Variants in BABAM2 observed in about 807,000 individuals in gnomAD.
The protein encoded by BABAM2 is BRISC and BRCA1-A complex member 2.
Under a neutral mutation model 54.7 loss-of-function variants are expected in BABAM2, and 31 were observed. The observed-to-expected ratio is 0.57, with a 90% CI of 0.43 to 0.77. The LOEUF is 0.77. Ranked by LOEUF, BABAM2 falls within the 30% of genes least tolerant of loss-of-function variation. The probability of loss-of-function intolerance (pLI) is 0.00; values close to 1 mark genes in which losing one functional copy is unlikely to be tolerated. For synonymous variants in BABAM2, 167 were observed against 162.9 expected (o/e 1.03, Z -0.19); for missense variants, 364 against 455.8 (o/e 0.80, Z 1.83).
rs150563481 is a variant in BABAM2, at chr2:28,080,669, A to G, written c.570+34870A>G. 2.2e-4 allele frequency among the ~76,000 whole-genome samples: 33 copies of G among 152,348 alleles called. No homozygotes were observed. The East Asian group carries it at 6.4e-3, about 29-fold the overall frequency. ...ACTACATTGTTAAGAGCATGGTTCAAATATTTGAAAGAGAAAAGAAAACTG... is the reference window on the plus strand; with the variant it reads ...ACTACATTGTTAAGAGCATGGTTCAGATATTTGAAAGAGAAAAGAAAACTG... On this transcript the variant is annotated intron_variant, in intron 6 of 11. Transcript: ENST00000379624.
At chr2:28,107,029 G>A (rs184657293) in intron 6 of BABAM2, among the ~76,000 whole-genome samples, 14 of 151,974 alleles carry the variant, frequency 9.2e-5, no homozygotes, top group Non-Finnish European at 1.5e-4. Context: ...GATAAATCTA[G>A]TTCACATTAT....
At chr2:28,172,499 T>C (rs1391402151) in intron 7 of BABAM2, among the ~76,000 whole-genome samples, 1 of 152,178 alleles carries the variant, frequency 6.6e-6, no homozygotes, top group South Asian at 2.1e-4. Context: ...AGTGACTGGG[T>C]CAGAAGTCCA....
rs569425044 is a variant in BABAM2 at position 28,123,957 on chromosome 2, T to C, written c.571-5314T>C. ...GCTCTTTATTGAAATAGTAGTGAAA[T>C]TGAAAGTTTAAAAGTCAGAAAGGGA... On this transcript the variant is annotated intron_variant, in intron 6 of 11. Coordinates refer to ENST00000379624, the MANE Select transcript of BABAM2 (RefSeq NM_199191.3). Among the ~76,000 whole-genome samples, 483 of 152,288 alleles carry C rather than the reference T, an allele frequency of 3.2e-3. 3 individuals carry two copies. Among genetic ancestry groups the C allele is most frequent in the African/African-American group, 0.011 (460 of 41,558 alleles).
Position 28,237,069 on chromosome 2 carries a change from A to T in BABAM2, c.681-133A>T, listed in dbSNP as rs142582717. The T allele has an allele frequency of 3.9e-4, 266 of 687,112 alleles. 3 individuals are homozygous for T. In the East Asian group the frequency reaches 6.1e-3, roughly 16 times the overall value. The allele number at this position is 687,112 out of a possible 1,614,324, so 42.6% of individuals were successfully genotyped here. On this transcript the variant is annotated intron_variant, in intron 7 of 11. Transcript: ENST00000379624. ...GAAATGTAATCATAAAGTGAAGCCC[A>T]TATACCCATCATCATTAACCTAGGC...
At position 28,183,396 on chromosome 2, in the gene BABAM2, G is replaced by A. The variant is rs535237619; in HGVS notation, c.681-53806G>A. On this transcript the variant is annotated intron_variant, in intron 7 of 11. Coordinates refer to ENST00000379624, the MANE Select transcript of BABAM2 (RefSeq NM_199191.3). ...GCAGAGGTTGCAGTGAGCTGAGATC[G>A]TGCCATTGCACTCCAGCCTAGGCAA... is the stretch of plus-strand genomic sequence containing the variant. Among the ~76,000 whole-genome samples the A allele has an allele frequency of 6.6e-5, 10 of 152,186 alleles. No individual in the cohort carries two copies. In the South Asian group the frequency reaches 8.3e-4, roughly 13 times the overall value.
intron 4 of BABAM2, chr2:28,013,224 A>G: frequency 2.7e-6 from 1 of 375,388 alleles, no homozygotes; most frequent in Non-Finnish European, 5.3e-6. Context: ...TAGACATGTG[A>G]AGTATGCCAC....
At chr2:28,009,696 CG>C (rs1318827235) in intron 4 of BABAM2, among the ~76,000 whole-genome samples, 1 of 152,038 alleles carries the variant, frequency 6.6e-6, no homozygotes, top group Non-Finnish European at 1.5e-5. Context: ...GGGCTAGAGA[CG>C]GATGGCAGTA....
intron 11 of BABAM2, chr2:28,327,176 C>G (rs1379928091): frequency 7.8e-7 from 1 of 1,287,864 alleles, no homozygotes; most frequent in South Asian, 1.5e-5. Flanking sequence ...GTCCCATGGC[C>G]GGTGGAGGCT....
At chr2:28,133,245 TG>T (rs1670243630) in intron 7 of BABAM2, among the ~76,000 whole-genome samples, 1 of 152,228 alleles carries the variant, frequency 6.6e-6, no homozygotes, top group Non-Finnish European at 1.5e-5. Flanking sequence ...GCTGTAGTCA[TG>T]GGATAGGTTT....
At chr2:27,969,115 A>G (rs140914345) in intron 3 of BABAM2, among the ~76,000 whole-genome samples, 82 of 152,208 alleles carry the variant, frequency 5.4e-4, no homozygotes, top group Admixed American at 8.5e-4. Flanking sequence ...TGATGGTTCT[A>G]TAAGGGGGAG....
chr2:28,178,392 C>G (rs889186213), intron 7 of BABAM2, among the ~76,000 whole-genome samples: 1 of 152,046 alleles, frequency 6.6e-6, no homozygotes, highest in African/African-American at 2.4e-5. Flanking sequence ...TAACATGCTC[C>G]TGAAGAACCA....
At chr2:27,934,298 G>T (rs1668330912) in intron 3 of BABAM2, among the ~76,000 whole-genome samples, 1 of 152,118 alleles carries the variant, frequency 6.6e-6, no homozygotes, top group Non-Finnish European at 1.5e-5. Flanking sequence ...ATGGTGATCT[G>T]TGATTGTTGA....
chr2:28,115,182 AACACACACACACAC>A (rs35506654), intron 6 of BABAM2, among the ~76,000 whole-genome samples: 57 of 142,332 alleles, frequency 4.0e-4, no homozygotes, highest in African/African-American at 7.0e-4. Context: ...ATAACTTTAA[AACACACACACACAC>A]ACACACACAC....
intron 10 of BABAM2, among the ~76,000 whole-genome samples, chr2:28,269,727 T>G (rs1685263329): frequency 6.6e-6 from 1 of 152,194 alleles, no homozygotes; most frequent in Non-Finnish European, 1.5e-5. Flanking sequence ...TTCTTTCAGA[T>G]TTACAGCTCC....
At chr2:28,136,863 T>C (rs535430237) in intron 7 of BABAM2, among the ~76,000 whole-genome samples, 4 of 152,144 alleles carry the variant, frequency 2.6e-5, no homozygotes, top group Admixed American at 2.0e-4. Flanking sequence ...TGAGGGGAAC[T>C]GAAAATTAAA....
At chr2:28,044,855 A>G (rs182772684) in intron 5 of BABAM2, among the ~76,000 whole-genome samples, 2 of 152,266 alleles carry the variant, frequency 1.3e-5, no homozygotes, top group East Asian at 3.9e-4. Context: ...TGAGCTGCAC[A>G]CTTGCAGTGA....
At chr2:28,258,395 CAG>C (rs1558478722) in intron 10 of BABAM2, among the ~76,000 whole-genome samples, 1 of 152,062 alleles carries the variant, frequency 6.6e-6, no homozygotes, top group Non-Finnish European at 1.5e-5. Context: ...TTTTCACTGA[CAG>C]TGTGTGAGAG....
chr2:28,082,123 A>G (rs1221054055), intron 6 of BABAM2, among the ~76,000 whole-genome samples: 1 of 152,126 alleles, frequency 6.6e-6, no homozygotes, highest in Admixed American at 6.5e-5. Context: ...AAAAAAAACA[A>G]CCATGCACAG....
intron 7 of BABAM2, among the ~76,000 whole-genome samples, chr2:28,218,978 A>T (rs1014346691): frequency 2.6e-5 from 4 of 152,196 alleles, no homozygotes; most frequent in Non-Finnish European, 5.9e-5. Flanking sequence ...TTCCATCAAA[A>T]AACAGTTGTA....
Sources: gnomAD v4.1 joint callset for allele counts (sites outside exome capture counted in the v4.1 genomes callset) on GRCh38, gnomAD v4.1.1 for gene constraint, MANE v1.5 for transcripts, NCBI Gene and HGNC (gene_info 2026-07-23, HGNC 2026-07-21) for gene names.